The following PIK3C3 variants were observed in gnomAD, a reference collection of about 807,000 sequenced individuals.
PIK3C3 encodes the protein phosphatidylinositol 3-kinase catalytic subunit type 3, also known as PI3-kinase type 3.
PIK3C3 carries 95 observed loss-of-function variants against 126.1 expected under a neutral mutation model. That is an observed-to-expected ratio of 0.75 (90% CI 0.64 to 0.89). The LOEUF is 0.89. Among genes scored for constraint, PIK3C3 ranks in the 40% least tolerant of loss-of-function variants. The pLI is 0.00. For synonymous variants in PIK3C3, 374 were observed against 360.0 expected, an observed-to-expected ratio of 1.04 and a Z score of -0.44; for missense variants, 829 against 1,063.2, an observed-to-expected ratio of 0.78 and a Z score of 3.06.
intron 12 of PIK3C3, among the ~76,000 whole-genome samples, chr18:42,019,259 C>G (rs1469174873): frequency 6.6e-6 from 1 of 152,214 alleles, no homozygotes; most frequent in South Asian, 2.1e-4. Flanking sequence ...GTTAAAAATT[C>G]AGAAAAACAA....
chr18:42,010,067 G>A (rs1598892477), intron 10 of PIK3C3, among the ~76,000 whole-genome samples: 1 of 152,128 alleles, frequency 6.6e-6, no homozygotes, highest in East Asian at 1.9e-4. Flanking sequence ...TTCCACAGTA[G>A]AACTTCTTTC....
chr18:42,009,098 A>G (rs1168261060), intron 10 of PIK3C3, among the ~76,000 whole-genome samples: 28 of 152,102 alleles, frequency 1.8e-4, no homozygotes, highest in Non-Finnish European at 2.5e-4. Context: ...TTTCTGTTAT[A>G]TAATACTTTT....
chr18:41,958,713 A>C (rs534771548), intron 2 of PIK3C3, among the ~76,000 whole-genome samples: 224 of 152,236 alleles, frequency 1.5e-3, no homozygotes, highest in Middle Eastern at 3.4e-3. Flanking sequence ...AGATATAGAT[A>C]TATATGTATA....
chr18:41,987,022 A>G (rs1981514554), intron 4 of PIK3C3, among the ~76,000 whole-genome samples: 1 of 152,070 alleles, frequency 6.6e-6, no homozygotes, highest in Non-Finnish European at 1.5e-5. Context: ...CATGATATGG[A>G]CAATGAAGCA....
intron 2 of PIK3C3, among the ~76,000 whole-genome samples, chr18:41,960,592 G>C (rs1980027471): frequency 6.6e-6 from 1 of 152,106 alleles, no homozygotes; most frequent in African/African-American, 2.4e-5. Context: ...GTTAATGAGG[G>C]TTAGCGGATG....
At chr18:41,958,957 G>C (rs1447008920) in intron 2 of PIK3C3, among the ~76,000 whole-genome samples, 3 of 152,102 alleles carry the variant, frequency 2.0e-5, no homozygotes, top group African/African-American at 7.2e-5. Context: ...CTGTATATCT[G>C]TTTTTAAAGC....
chr18:42,039,446 C>A (rs970898939), intron 18 of PIK3C3, among the ~76,000 whole-genome samples: 2 of 152,172 alleles, frequency 1.3e-5, no homozygotes, highest in Admixed American at 6.5e-5. Flanking sequence ...TCTCTTTGGA[C>A]AAAGACCCAA....
intron 16 of PIK3C3, among the ~76,000 whole-genome samples, chr18:42,034,387 G>C (rs776778162): frequency 6.6e-5 from 10 of 152,094 alleles, no homozygotes. Context: ...TTGTTAATCA[G>C]AGCTGTAACT....
intron 24 of PIK3C3, among the ~76,000 whole-genome samples, chr18:42,073,772 T>C (rs1270178695): frequency 6.6e-6 from 1 of 152,072 alleles, no homozygotes; most frequent in African/African-American, 2.4e-5. Context: ...ATGTTGACTT[T>C]AGCACCTAAA....
At chr18:42,064,879 A>G (rs759022244) in intron 23 of PIK3C3, 49 bp downstream of exon 23, 7 of 973,174 alleles carry the variant, frequency 7.2e-6, no homozygotes, top group Admixed American at 1.8e-5. Flanking sequence ...TAATTTTTCC[A>G]TATTCCAGAA....
At chr18:42,019,116 G>A (rs12605021) in intron 12 of PIK3C3, among the ~76,000 whole-genome samples, 4,226 of 152,070 alleles carry the variant, frequency 0.028, 217 homozygotes, top group East Asian at 0.26. Context: ...TCCCATCACC[G>A]GTTTTATAGA....
chr18:42,055,531 A>T (rs1037235741), intron 21 of PIK3C3, among the ~76,000 whole-genome samples: 2 of 152,138 alleles, frequency 1.3e-5, no homozygotes, highest in African/African-American at 4.8e-5. Context: ...AAGATACGAC[A>T]TTCAATTAAG....
intron 11 of PIK3C3, 130 bp downstream of exon 11, chr18:42,013,726 T>C: frequency 1.5e-6 from 1 of 670,966 alleles, no homozygotes; most frequent in Non-Finnish European, 2.6e-6. Context: ...CTAGTGAATA[T>C]TGCATGTGTA....
At chr18:42,069,155 C>T (rs1196723628) in intron 24 of PIK3C3, among the ~76,000 whole-genome samples, 2 of 152,176 alleles carry the variant, frequency 1.3e-5, no homozygotes, top group East Asian at 3.9e-4. Flanking sequence ...AGGTGTTTTT[C>T]CCTGAACACC....
intron 2 of PIK3C3, 67 bp from the exon 3 acceptor site, chr18:41,962,422 G>C (rs936991960): frequency 6.5e-5 from 84 of 1,288,220 alleles, no homozygotes; most frequent in Non-Finnish European, 8.4e-5. Context: ...TTTTTGTGTG[G>C]TTTGTTAATT....
Position 42,043,768 on chromosome 18 carries a change from G to GC in PIK3C3, c.2141dup (p.Asn715LysfsTer4). 1 of 1,613,184 alleles carries GC rather than the reference G, an allele frequency of 6.2e-7. No homozygotes were observed. Among genetic ancestry groups the GC allele is most frequent in the Non-Finnish European group, 8.5e-7 (1 of 1,179,300 alleles). On this transcript the variant is annotated frameshift_variant, in exon 20 of 25. Transcript: ENST00000262039. LOFTEE classifies it high-confidence loss of function. ...GAAAATATGCACCAAGTGAGAATGG[G>GC]CCAAATGGGATTAGTGCTGAGGTCA...
At chr18:42,042,908 G>A (rs1460908867) in intron 19 of PIK3C3, among the ~76,000 whole-genome samples, 3 of 152,130 alleles carry the variant, frequency 2.0e-5, no homozygotes, top group Admixed American at 2.0e-4. Flanking sequence ...AAGGTTGAAT[G>A]TATAAAAATA....
intron 4 of PIK3C3, 41 bp downstream of exon 4, chr18:41,970,497 A>T (rs1568114897): frequency 1.9e-6 from 3 of 1,585,876 alleles, no homozygotes; most frequent in South Asian, 2.2e-5. Flanking sequence ...GCTCTGACTG[A>T]TGTCTATTGT....
chr18:42,068,469 C>T (rs771619277), intron 24 of PIK3C3, among the ~76,000 whole-genome samples: 3 of 152,224 alleles, frequency 2.0e-5, no homozygotes, highest in African/African-American at 4.8e-5. Flanking sequence ...CTTCTGTAAA[C>T]TTCTACATGG....
Sources: gnomAD v4.1 joint callset for allele counts (sites outside exome capture counted in the v4.1 genomes callset) on GRCh38, gnomAD v4.1.1 for gene constraint, MANE v1.5 for transcripts, NCBI Gene and HGNC (gene_info 2026-07-23, HGNC 2026-07-21) for gene names.